KCNQ3: variants seen among roughly 807,000 people sequenced by gnomAD.
KCNQ3 encodes the protein potassium voltage-gated channel subfamily KQT member 3.
A neutral mutation model predicts 92.5 loss-of-function variants in KCNQ3; 30 were observed. The ratio of observed to expected loss-of-function variants is 0.32; its 90% CI spans 0.24 to 0.44. KCNQ3 has a LOEUF of 0.44. KCNQ3 is among the 20% of genes least tolerant of loss of function. The pLI, the probability that KCNQ3 is intolerant of heterozygous loss-of-function variation, is 1.00. For missense variants in KCNQ3, 913 were observed against 1,140.3 expected (o/e 0.80, Z 2.87); for synonymous variants, 450 against 468.8 (o/e 0.96, Z 0.52).
At chr8:132,190,115 C>T (rs1435945829) in intron 1 of KCNQ3, among the ~76,000 whole-genome samples, 1 of 152,026 alleles carries the variant, frequency 6.6e-6, no homozygotes, top group Non-Finnish European at 1.5e-5. Context: ...GGTTGGTGTC[C>T]CACAGCTGAA....
intron 1 of KCNQ3, among the ~76,000 whole-genome samples, chr8:132,299,962 G>T (rs1030983123): frequency 5.9e-5 from 9 of 152,166 alleles, no homozygotes; most frequent in African/African-American, 2.2e-4. Flanking sequence ...GAACTCCCTG[G>T]ACATCTTTCT....
intron 1 of KCNQ3, among the ~76,000 whole-genome samples, chr8:132,471,337 C>T (rs984496716): frequency 3.3e-5 from 5 of 152,136 alleles, no homozygotes; most frequent in Non-Finnish European, 5.9e-5. Flanking sequence ...CTGGGCAGAT[C>T]TCCTAACTTC....
chr8:132,204,148 G>A (rs1171511969), intron 1 of KCNQ3, among the ~76,000 whole-genome samples: 1 of 152,226 alleles, frequency 6.6e-6, no homozygotes, highest in Non-Finnish European at 1.5e-5. Flanking sequence ...TGATGAAACG[G>A]AAGTAGGTAA....
At chr8:132,164,848 C>T (rs1826095786) in intron 8 of KCNQ3, among the ~76,000 whole-genome samples, 1 of 152,154 alleles carries the variant, frequency 6.6e-6, no homozygotes, top group African/African-American at 2.4e-5. Context: ...ACTTCTCTCA[C>T]TTCTCCACCT....
intron 1 of KCNQ3, among the ~76,000 whole-genome samples, chr8:132,473,126 G>T (rs1160050791): frequency 6.6e-6 from 1 of 152,076 alleles, no homozygotes; most frequent in Non-Finnish European, 1.5e-5. Context: ...GAAGGAAATT[G>T]GCCATACTGA....
chr8:132,387,450 T>C (rs1353164723), intron 1 of KCNQ3, among the ~76,000 whole-genome samples: 7 of 152,186 alleles, frequency 4.6e-5, no homozygotes, highest in Admixed American at 2.0e-4. Flanking sequence ...TCTTAATTAA[T>C]AGTGAAAACT....
intron 1 of KCNQ3, among the ~76,000 whole-genome samples, chr8:132,416,832 G>A (rs1465097635): frequency 1.3e-5 from 2 of 152,148 alleles, no homozygotes; most frequent in Non-Finnish European, 2.9e-5. Context: ...CAGGAAGGCT[G>A]GGTAAGTGCA....
rs891002325 is a variant in KCNQ3 at position 132,124,755 on chromosome 8, A to G, written c.*4507T>C. On this transcript the variant is annotated 3_prime_UTR_variant, in exon 15 of 15. Coordinates refer to ENST00000388996, the MANE Select transcript of KCNQ3 (RefSeq NM_004519.4). The stretch of plus-strand genomic sequence containing the variant: ...CAAGCCTTCAAGGACAAGTGAGGAC[A>G]TGAAGCAAATTCCTAAGGATGCCTG... The G allele has an allele frequency of 6.6e-6, 1 of 152,248 alleles. No individual in the cohort carries two copies. The highest frequency in any genetic ancestry group is 6.5e-5 in the Admixed American group (1 of 15,280). The allele number at this position is 152,248 out of a possible 1,614,324, so 9.4% of individuals were successfully genotyped here.
At chr8:132,360,556 C>T (rs936156557) in intron 1 of KCNQ3, among the ~76,000 whole-genome samples, 13 of 152,308 alleles carry the variant, frequency 8.5e-5, no homozygotes, top group Non-Finnish European at 1.5e-4. Context: ...CCCAGAGGCT[C>T]TTGAAGGAGG....
rs533368799 is a variant in KCNQ3, at chr8:132,199,122, G to T, written c.387-12941C>A. Among the ~76,000 whole-genome samples the T allele has an allele frequency of 4.6e-5, 7 of 152,260 alleles. No individual in the cohort carries two copies. In the South Asian group the frequency reaches 1.4e-3, roughly 32 times the overall value. On this transcript the variant is annotated intron_variant, in intron 1 of 14. Coordinates refer to ENST00000388996, the MANE Select transcript of KCNQ3 (RefSeq NM_004519.4). Reference sequence around the variant, plus strand: ...GATGCAGGATTTCACAAAGTTGATAGAAATGATGATGGAAAGCTGTTTTAA... The same window carrying T: ...GATGCAGGATTTCACAAAGTTGATATAAATGATGATGGAAAGCTGTTTTAA...
At chr8:132,165,484 G>C (rs753025434) in intron 8 of KCNQ3, among the ~76,000 whole-genome samples, 1 of 152,202 alleles carries the variant, frequency 6.6e-6, no homozygotes, top group Non-Finnish European at 1.5e-5. Context: ...GTAATTCGGA[G>C]GCTTCCTTTC....
intron 1 of KCNQ3, among the ~76,000 whole-genome samples, chr8:132,255,367 G>A (rs1485849521): frequency 6.6e-6 from 1 of 152,222 alleles, no homozygotes; most frequent in Non-Finnish European, 1.5e-5. Context: ...AAAACAAGCA[G>A]TGGCAATTGT....
intron 1 of KCNQ3, among the ~76,000 whole-genome samples, chr8:132,188,586 G>A (rs952174462): frequency 6.6e-5 from 10 of 152,190 alleles, no homozygotes; most frequent in Admixed American, 1.3e-4. Flanking sequence ...TGTCAGGTGC[G>A]TGGAAAAGCC....
At chr8:132,452,870 C>T (rs1821854388) in intron 1 of KCNQ3, among the ~76,000 whole-genome samples, 1 of 152,174 alleles carries the variant, frequency 6.6e-6, no homozygotes, top group Admixed American at 6.5e-5. Context: ...GGGGACACCA[C>T]AGTGAACTTG....
intron 1 of KCNQ3, among the ~76,000 whole-genome samples, chr8:132,428,832 T>C (rs926794505): frequency 2.0e-5 from 3 of 151,724 alleles, no homozygotes; most frequent in African/African-American, 4.8e-5. Context: ...TTGGGGGAGG[T>C]TGACATATGA....
At position 132,123,579 on chromosome 8, in the gene KCNQ3, G is replaced by A. The variant is rs2130914006; in HGVS notation, c.*5683C>T. 6.6e-6 allele frequency: 1 copy of A among 152,234 alleles called. No homozygotes were observed. Among genetic ancestry groups the A allele is most frequent in the South Asian group, 2.1e-4 (1 of 4,824 alleles). 9.4% of individuals were successfully genotyped at this position (152,234 alleles called of 1,614,324 possible). On this transcript the variant is annotated 3_prime_UTR_variant, in exon 15 of 15. Transcript: ENST00000388996. The stretch of plus-strand genomic sequence containing the variant: ...AATCGTGATGCTTTGATTTCACTTG[G>A]TATTTTACTTTTAGTTTTGTCTCTA...
intron 1 of KCNQ3, among the ~76,000 whole-genome samples, chr8:132,213,385 G>A (rs966766728): frequency 2.6e-5 from 4 of 152,112 alleles, no homozygotes; most frequent in Non-Finnish European, 5.9e-5. Flanking sequence ...ACTGCCTGGG[G>A]GGAAAAAGGA....
At chr8:132,221,177 T>C (rs1279158697) in intron 1 of KCNQ3, among the ~76,000 whole-genome samples, 1 of 152,204 alleles carries the variant, frequency 6.6e-6, no homozygotes, top group Non-Finnish European at 1.5e-5. Context: ...TAGTATTCCA[T>C]CGTGTATATG....
chr8:132,222,669 G>T (rs1277207415), intron 1 of KCNQ3, among the ~76,000 whole-genome samples: 3 of 152,202 alleles, frequency 2.0e-5, no homozygotes, highest in Non-Finnish European at 2.9e-5. Flanking sequence ...AGAAAGCCAA[G>T]AACCAGATGT....
Sources: gnomAD v4.1 joint callset for allele counts (sites outside exome capture counted in the v4.1 genomes callset) on GRCh38, gnomAD v4.1.1 for gene constraint, MANE v1.5 for transcripts, NCBI Gene and HGNC (gene_info 2026-07-23, HGNC 2026-07-21) for gene names.